The following PLPPR1 variants were observed in gnomAD, a reference collection of about 807,000 sequenced individuals.
PLPPR1 encodes the protein phospholipid phosphatase-related protein type 1.
PLPPR1 carries 10 observed loss-of-function variants against 33.1 expected under a neutral mutation model. The observed-to-expected ratio is 0.30, with a 90% CI of 0.19 to 0.51. PLPPR1 has a LOEUF of 0.51. Ranked by LOEUF, PLPPR1 falls within the 20% of genes least tolerant of loss-of-function variation. PLPPR1 has a pLI of 0.97. For synonymous variants in PLPPR1, 151 were observed against 151.0 expected, an observed-to-expected ratio of 1.00 and a Z score of 0.00; for missense variants, 304 against 408.1, an observed-to-expected ratio of 0.74 and a Z score of 2.20.
At chr9:101,287,937 G>A (rs1425545534) in intron 4 of PLPPR1, among the ~76,000 whole-genome samples, 1 of 152,168 alleles carries the variant, frequency 6.6e-6, no homozygotes, top group Non-Finnish European at 1.5e-5. Flanking sequence ...TATGACTACT[G>A]TCCGATCTAT....
At chr9:101,168,241 C>T (rs1434988389) in intron 1 of PLPPR1, among the ~76,000 whole-genome samples, 1 of 152,084 alleles carries the variant, frequency 6.6e-6, no homozygotes, top group Non-Finnish European at 1.5e-5. Context: ...ATTCTCTTAG[C>T]CATAGTTAAT....
intron 3 of PLPPR1, among the ~76,000 whole-genome samples, chr9:101,274,245 A>G (rs1194888185): frequency 6.6e-6 from 1 of 152,226 alleles, no homozygotes; most frequent in East Asian, 1.9e-4. Context: ...CTTTTAATAT[A>G]CTTATATTCT....
At chr9:101,061,401 AAG>A (rs1419144087) in intron 1 of PLPPR1, among the ~76,000 whole-genome samples, 3 of 151,784 alleles carry the variant, frequency 2.0e-5, no homozygotes, top group Non-Finnish European at 4.4e-5. Flanking sequence ...GTGTGTGAGA[AAG>A]AGAGGGACTT....
chr9:101,269,626 C>G (rs988803910), intron 2 of PLPPR1, among the ~76,000 whole-genome samples: 15 of 152,206 alleles, frequency 9.9e-5, no homozygotes, highest in Non-Finnish European at 1.8e-4. Context: ...GGCTGAAGCT[C>G]TCTACAAGCC....
chr9:101,295,423 A>T (rs1277277914), intron 4 of PLPPR1, among the ~76,000 whole-genome samples: 4 of 152,020 alleles, frequency 2.6e-5, no homozygotes, highest in Non-Finnish European at 5.9e-5. Flanking sequence ...GCTACCAATG[A>T]CTTTCTTCAC....
intron 4 of PLPPR1, among the ~76,000 whole-genome samples, chr9:101,302,998 G>A (rs1339867868): frequency 6.6e-6 from 1 of 152,124 alleles, no homozygotes; most frequent in African/African-American, 2.4e-5. Flanking sequence ...TTTTGTTTTT[G>A]TTTTTTGAGA....
intron 1 of PLPPR1, among the ~76,000 whole-genome samples, chr9:101,030,245 C>G (rs1475857931): frequency 5.9e-5 from 9 of 151,660 alleles, no homozygotes; most frequent in Non-Finnish European, 8.8e-5. Context: ...GAGTCCAGGA[C>G]TGGGACAAAG....
At chr9:101,179,200 G>T (rs929033914) in intron 1 of PLPPR1, among the ~76,000 whole-genome samples, 8 of 152,122 alleles carry the variant, frequency 5.3e-5, no homozygotes, top group African/African-American at 1.9e-4. Flanking sequence ...TGTGATTAAG[G>T]TCAATGGGAA....
chr9:101,031,067 C>T (rs1206802656), intron 1 of PLPPR1, among the ~76,000 whole-genome samples: 2 of 151,898 alleles, frequency 1.3e-5, no homozygotes, highest in Non-Finnish European at 2.9e-5. Flanking sequence ...TTTCAAATAA[C>T]TAGGGAAGTA....
At chr9:101,275,920 G>T (rs1278734614) in intron 3 of PLPPR1, among the ~76,000 whole-genome samples, 1 of 152,116 alleles carries the variant, frequency 6.6e-6, no homozygotes, top group Non-Finnish European at 1.5e-5. Context: ...AACACAACTT[G>T]ATAGAAAGGC....
intron 3 of PLPPR1, among the ~76,000 whole-genome samples, chr9:101,277,304 A>G (rs1305624365): frequency 1.3e-5 from 2 of 152,176 alleles, no homozygotes; most frequent in Non-Finnish European, 2.9e-5. Context: ...TAGAATATCT[A>G]GAGTGTGGGC....
At chr9:101,084,730 A>G (rs1017387012) in intron 1 of PLPPR1, among the ~76,000 whole-genome samples, 2 of 152,192 alleles carry the variant, frequency 1.3e-5, no homozygotes, top group African/African-American at 4.8e-5. Flanking sequence ...GGTACTAAGC[A>G]TAAAGAAAGG....
At chr9:101,039,285 T>C (rs959551211) in intron 1 of PLPPR1, among the ~76,000 whole-genome samples, 1 of 152,162 alleles carries the variant, frequency 6.6e-6, no homozygotes, top group African/African-American at 2.4e-5. Flanking sequence ...TTCCTTACTC[T>C]TATGAAGTCT....
intron 2 of PLPPR1, among the ~76,000 whole-genome samples, chr9:101,247,234 A>G (rs934307305): frequency 4.6e-5 from 7 of 151,994 alleles, no homozygotes; most frequent in Admixed American, 3.3e-4. Context: ...ACAATGTGTC[A>G]TTTGGATCCA....
intron 1 of PLPPR1, among the ~76,000 whole-genome samples, chr9:101,115,022 T>C (rs531180470): frequency 6.6e-6 from 1 of 152,306 alleles, no homozygotes; most frequent in African/African-American, 2.4e-5. Context: ...AGCCCTGCAG[T>C]TGCTGGAGAT....
At chr9:101,278,850 C>T (rs1209212156) in intron 3 of PLPPR1, among the ~76,000 whole-genome samples, 2 of 152,166 alleles carry the variant, frequency 1.3e-5, no homozygotes, top group African/African-American at 2.4e-5. Flanking sequence ...GCCTCAGCAG[C>T]CCCAGGTTTT....
Position 101,118,979 on chromosome 9 carries a change from C to T in PLPPR1, c.-45-66471C>T, listed in dbSNP as rs147060368. ...TGACATCCATGAAACATGAGAAGTT[C>T]GTTTCTAGAAGCTCCTGAAGGACTT... On this transcript the variant is annotated intron_variant, in intron 1 of 7. Coordinates refer to ENST00000374874, the MANE Select transcript of PLPPR1 (RefSeq NM_207299.2). Among the ~76,000 whole-genome samples, 917 of 151,894 alleles carry T rather than the reference C, an allele frequency of 6.0e-3. 9 individuals carry two copies. The highest frequency in any genetic ancestry group is 0.017 in the Middle Eastern group (5 of 292).
chr9:101,086,408 G>A (rs986384613), intron 1 of PLPPR1, among the ~76,000 whole-genome samples: 1 of 152,170 alleles, frequency 6.6e-6, no homozygotes, highest in Non-Finnish European at 1.5e-5. Flanking sequence ...GTCCTATGAT[G>A]GGTCAAAATG....
chr9:101,205,577 C>T (rs1826574312), intron 2 of PLPPR1, among the ~76,000 whole-genome samples: 1 of 151,922 alleles, frequency 6.6e-6, no homozygotes, highest in Non-Finnish European at 1.5e-5. Flanking sequence ...GTATGTTCAC[C>T]TTTTTTTGAT....
Sources: allele counts gnomAD v4.1 joint callset (sites outside exome capture counted in the v4.1 genomes callset), GRCh38; gene constraint gnomAD v4.1.1; transcripts MANE v1.5; gene names NCBI Gene and HGNC (gene_info 2026-07-23, HGNC 2026-07-21).